The following SLBP variants were observed in gnomAD, a reference collection of about 807,000 sequenced individuals.
The protein encoded by SLBP is histone RNA hairpin-binding protein.
In SLBP, 29 loss-of-function variants were observed where a neutral mutation model predicts 39.2. The observed-to-expected ratio is 0.74, with a 90% CI of 0.55 to 1.01. The LOEUF is 1.01. SLBP is among the 50% of genes least tolerant of loss of function. The pLI, the probability that SLBP is intolerant of heterozygous loss-of-function variation, is 0.00. For synonymous variants in SLBP, 129 were observed against 118.7 expected (o/e 1.09, Z -0.57); for missense variants, 390 against 350.2 (o/e 1.11, Z -0.91).
At chr4:1,704,716 T>C (rs771283230) in intron 2 of SLBP, among the ~76,000 whole-genome samples, 2 of 152,168 alleles carry the variant, frequency 1.3e-5, no homozygotes, top group Non-Finnish European at 2.9e-5. Flanking sequence ...TGAGGCTATC[T>C]CAGGTGGGTG....
chr4:1,706,733 G>C (rs1346253687), intron 2 of SLBP, among the ~76,000 whole-genome samples: 3 of 152,218 alleles, frequency 2.0e-5, no homozygotes, highest in Admixed American at 6.5e-5. Flanking sequence ...TTGGACCCAG[G>C]AGGTGGAAGT....
At chr4:1,701,137 C>CTTT (rs1228557022) in intron 3 of SLBP, among the ~76,000 whole-genome samples, 11 of 120,622 alleles carry the variant, frequency 9.1e-5, no homozygotes, top group South Asian at 3.2e-4. Context: ...AATCCATTTT[C>CTTT]TTTTTTTTCT....
chr4:1,705,351 T>C (rs1431451024), intron 2 of SLBP, among the ~76,000 whole-genome samples: 3 of 152,194 alleles, frequency 2.0e-5, no homozygotes, highest in Non-Finnish European at 4.4e-5. Context: ...GCTGAAGAAA[T>C]GGTATTCTAT....
intron 2 of SLBP, among the ~76,000 whole-genome samples, chr4:1,707,088 G>T (rs1323133215): frequency 6.7e-6 from 1 of 149,818 alleles, no homozygotes; most frequent in Admixed American, 6.6e-5. Flanking sequence ...GCGCGGTGGC[G>T]GGCGCCTGTA....
At chr4:1,699,166 G>C (rs746919027) in intron 5 of SLBP, among the ~76,000 whole-genome samples, 3 of 152,178 alleles carry the variant, frequency 2.0e-5, no homozygotes, top group Non-Finnish European at 2.9e-5. Flanking sequence ...CTGTGTGTTT[G>C]AGGGACCAGG....
chr4:1,698,003 G>A (rs748351884), intron 5 of SLBP, among the ~76,000 whole-genome samples: 14 of 151,876 alleles, frequency 9.2e-5, no homozygotes, highest in Admixed American at 5.3e-4. Context: ...GGCATGCACC[G>A]CTGGTCCCAG....
intron 3 of SLBP, among the ~76,000 whole-genome samples, 189 bp downstream of exon 3, chr4:1,703,407 G>A (rs1380332245): frequency 6.6e-6 from 1 of 152,008 alleles, no homozygotes; most frequent in Non-Finnish European, 1.5e-5. Flanking sequence ...GGATGGCCAG[G>A]CCCCACCCCA....
In SLBP at chr4:1,709,493, C is replaced by A. The variant is rs182526688; in HGVS notation, c.176+2381G>T. 8.3e-4 allele frequency among the ~76,000 whole-genome samples: 126 copies of A among 152,338 alleles called. 1 individual carries two copies. Among genetic ancestry groups the A allele is most frequent in the Non-Finnish European group, 1.4e-3 (93 of 68,030 alleles). On this transcript the variant is annotated intron_variant, in intron 2 of 7. Coordinates refer to ENST00000489418, the MANE Select transcript of SLBP (RefSeq NM_006527.4). ...AGGCTCCTAGTTAAGCCCGCTCCCA[C>A]TAGCTACTCTCCAATAAGTTAGATA...
chr4:1,693,504 A>C lies in SLBP; in HGVS notation c.*93T>G, dbSNP rs1715992628. On this transcript the variant is annotated 3_prime_UTR_variant, in exon 8 of 8. Coordinates refer to ENST00000489418, the MANE Select transcript of SLBP (RefSeq NM_006527.4). Reference sequence around the variant, plus strand: ...CTAATGGACTGCTAACAGAGAAACCACCAGGTACAAGTGCACACACATGCT... The same window carrying C: ...CTAATGGACTGCTAACAGAGAAACCCCCAGGTACAAGTGCACACACATGCT... The C allele has an allele frequency of 1.3e-6, 1 of 749,364 alleles. No individual in the cohort carries two copies. Among genetic ancestry groups the C allele is most frequent in the African/African-American group, 1.7e-5 (1 of 57,868 alleles). The allele number at this position is 749,364 out of a possible 1,614,324, so 46.4% of individuals were successfully genotyped here.
chr4:1,712,032 G>A lies in SLBP; in HGVS notation c.60-42C>T, dbSNP rs1156299220. ...GGTCGGCTGGGCACGGGAGGTTCGGGACCGCCTTACAACCTCCGCCCTCCC... is the reference window on the plus strand; with the variant it reads ...GGTCGGCTGGGCACGGGAGGTTCGGAACCGCCTTACAACCTCCGCCCTCCC... On this transcript the variant is annotated intron_variant, in intron 1 of 7. Coordinates refer to ENST00000489418, the MANE Select transcript of SLBP (RefSeq NM_006527.4). 3.2e-6 allele frequency: 4 copies of A among 1,256,036 alleles called. No individual in the cohort carries two copies. The Admixed American group carries it at 1.3e-4, about 40-fold the overall frequency. The allele number at this position is 1,256,036 out of a possible 1,614,324, so 77.8% of individuals were successfully genotyped here.
At chr4:1,705,741 A>G (rs1468357975) in intron 2 of SLBP, among the ~76,000 whole-genome samples, 2 of 152,136 alleles carry the variant, frequency 1.3e-5, no homozygotes, top group Non-Finnish European at 2.9e-5. Flanking sequence ...GTGCCTTAGA[A>G]GTTGTCTTTT....
At chr4:1,700,235 C>A (rs186109179) in intron 3 of SLBP, 165 bp from the exon 4 acceptor site, 31 of 468,244 alleles carry the variant, frequency 6.6e-5, no homozygotes, top group African/African-American at 5.6e-4. Context: ...GTAGTGAGAT[C>A]CACACAACAA....
chr4:1,712,220 C>G lies in SLBP; in HGVS notation c.-32G>C. On this transcript the variant is annotated 5_prime_UTR_variant, in exon 1 of 8. Coordinates refer to ENST00000489418, the MANE Select transcript of SLBP (RefSeq NM_006527.4). ...ACGGGCCGGGCGCGCAGCGCAGGGC[C>G]GAGGCTGAGGCGGCGGCGGCGCGGG... is the stretch of plus-strand genomic sequence containing the variant. 5 of 1,245,204 alleles carry G rather than the reference C, an allele frequency of 4.0e-6. No individual in the cohort carries two copies. The highest frequency in any genetic ancestry group is 3.0e-6 in the Non-Finnish European group (3 of 984,848). The allele number at this position is 1,245,204 out of a possible 1,614,324, so 77.1% of individuals were successfully genotyped here.
Position 1,701,418 on chromosome 4 carries a change from A to T in SLBP, c.282-1348T>A, listed in dbSNP as rs142731460. 4.2e-3 allele frequency among the ~76,000 whole-genome samples: 635 copies of T among 152,226 alleles called. 3 individuals carry two copies. The highest frequency in any genetic ancestry group is 0.015 in the African/African-American group (614 of 41,558). On this transcript the variant is annotated intron_variant, in intron 3 of 7. Coordinates refer to ENST00000489418, the MANE Select transcript of SLBP (RefSeq NM_006527.4). Reference sequence around the variant, plus strand: ...CGCCTTGGCCTCCCAAAGTACTGCGATTACAGGTGTGAGCCACCATGCCAT... The same window carrying T: ...CGCCTTGGCCTCCCAAAGTACTGCGTTTACAGGTGTGAGCCACCATGCCAT...
chr4:1,696,049 CAGA>C lies in SLBP; in HGVS notation c.629+150_629+152del, dbSNP rs975614169. ...CCTTCCAGCTGCCTCCCTCCCAGTA[CAGA>C]AGAACTCAGCACCGAGCTGCAGCAG... is the stretch of plus-strand genomic sequence containing the variant. On this transcript the variant is annotated intron_variant, in intron 6 of 7. Transcript: ENST00000489418. 2.6e-5 allele frequency among the ~76,000 whole-genome samples: 4 copies of C among 152,314 alleles called. No individual in the cohort carries two copies. In the South Asian group the frequency reaches 6.2e-4, roughly 24 times the overall value.
intron 5 of SLBP, among the ~76,000 whole-genome samples, chr4:1,697,618 A>G (rs999731569): frequency 6.6e-6 from 1 of 152,208 alleles, no homozygotes; most frequent in African/African-American, 2.4e-5. Flanking sequence ...AGGCAGGCAG[A>G]TCACCCAAAG....
intron 2 of SLBP, among the ~76,000 whole-genome samples, chr4:1,709,270 C>T (rs981503529): frequency 4.6e-5 from 7 of 152,104 alleles, no homozygotes; most frequent in East Asian, 3.9e-4. Context: ...GGGAAAAAGG[C>T]TTATCGAGTG....
chr4:1,693,519 A>G lies in SLBP; in HGVS notation c.*78T>C. The G allele has an allele frequency of 1.2e-6, 1 of 821,490 alleles. No homozygotes were observed. The highest frequency in any genetic ancestry group is 1.4e-5 in the South Asian group (1 of 71,142). The allele number at this position is 821,490 out of a possible 1,614,324, so 50.9% of individuals were successfully genotyped here. On this transcript the variant is annotated 3_prime_UTR_variant, in exon 8 of 8. Transcript: ENST00000489418. ...CAGAGAAACCACCAGGTACAAGTGC[A>G]CACACATGCTTGGTGCCTGGCCAGC...
intron 2 of SLBP, among the ~76,000 whole-genome samples, chr4:1,711,608 G>A (rs1420562555): frequency 6.6e-6 from 1 of 152,228 alleles, no homozygotes; most frequent in Admixed American, 6.5e-5. Context: ...ACCTCTCCCG[G>A]GAGCACAACA....
Sources: gnomAD v4.1 joint callset for allele counts (sites outside exome capture counted in the v4.1 genomes callset) on GRCh38, gnomAD v4.1.1 for gene constraint, MANE v1.5 for transcripts, NCBI Gene and HGNC (gene_info 2026-07-23, HGNC 2026-07-21) for gene names.